TFCP2: variants seen among roughly 807,000 people sequenced by gnomAD.
TFCP2 encodes the protein transcription factor CP2, also known as alpha-globin transcription factor CP2.
TFCP2 carries 33 observed loss-of-function variants against 73.4 expected under a neutral mutation model. That is an observed-to-expected ratio of 0.45 (90% CI 0.34 to 0.60). The LOEUF (loss-of-function observed/expected upper bound fraction) is 0.60, where lower values mean the gene tolerates loss of function less well. Among genes scored for constraint, TFCP2 ranks in the 20% least tolerant of loss-of-function variants. The pLI is 0.01. For missense variants in TFCP2, 352 were observed against 604.0 expected (o/e 0.58, Z 4.37); for synonymous variants, 193 against 211.6 (o/e 0.91, Z 0.76).
At chr12:51,121,913 A>G (rs999062650) in intron 1 of TFCP2, among the ~76,000 whole-genome samples, 1 of 152,222 alleles carries the variant, frequency 6.6e-6, no homozygotes, top group African/African-American at 2.4e-5. Flanking sequence ...ATGTACCTAT[A>G]TATCTCACCT....
intron 13 of TFCP2, among the ~76,000 whole-genome samples, chr12:51,096,774 C>T (rs1231812171): frequency 6.6e-6 from 1 of 152,052 alleles, no homozygotes. Context: ...TTATGGGAAT[C>T]AAGTCCCTCA....
intron 14 of TFCP2, 70 bp from the exon 15 acceptor site, chr12:51,095,348 T>G: frequency 6.5e-7 from 1 of 1,531,094 alleles, no homozygotes; most frequent in Admixed American, 1.7e-5. Flanking sequence ...AAAAAAAGTA[T>G]GGTAAGATTC....
chr12:51,106,686 T>C, intron 7 of TFCP2, 73 bp from the exon 8 acceptor site: 2 of 1,120,246 alleles, frequency 1.8e-6, no homozygotes, highest in Non-Finnish European at 2.7e-6. Context: ...CATTGTTACT[T>C]GAATAGCACA....
chr12:51,107,054 C>T (rs1592792370), intron 7 of TFCP2, 182 bp downstream of exon 7: 5 of 630,998 alleles, frequency 7.9e-6, no homozygotes, highest in South Asian at 4.0e-5. Flanking sequence ...GACACAGAGA[C>T]AGTGGCATGG....
At chr12:51,140,445 C>CTTTTTTTT (rs768526922) in intron 1 of TFCP2, among the ~76,000 whole-genome samples, 250 of 88,016 alleles carry the variant, frequency 2.8e-3, no homozygotes, top group Middle Eastern at 8.1e-3. Flanking sequence ...TTTTCTTTTT[C>CTTTTTTTT]TTTTTTTTTT....
chr12:51,098,640 A>T, intron 13 of TFCP2, 136 bp downstream of exon 13: 1 of 985,786 alleles, frequency 1.0e-6, no homozygotes, highest in Non-Finnish European at 1.4e-6. Context: ...AAAAAAAATT[A>T]GGAGGAAAGC....
rs1452774082 is a variant in TFCP2 at position 51,099,700 on chromosome 12, G to A, written c.1231C>T (p.Gln411Ter). The A allele has an allele frequency of 6.2e-7, 1 of 1,614,156 alleles. No homozygotes were observed. ...LREQQQQQQQ[Q>*]QQKHEDGDSN... The stretch of plus-strand genomic sequence containing the variant: ...TCTCCATCCTCATGCTTCTGCTGCT[G>A]TTGCTGCTGCTGTTGTTGCTGCTCC... The change falls in exon 12 of 15, where the codon CAG becomes TAG. Residue 411 changes from glutamine (Q) to a stop codon, truncating the protein, a stop_gained. Coordinates refer to ENST00000257915, the MANE Select transcript of TFCP2 (RefSeq NM_005653.5). LOFTEE classifies it high-confidence loss of function.
chr12:51,107,907 A>G (rs1940293099), intron 6 of TFCP2, among the ~76,000 whole-genome samples: 1 of 151,636 alleles, frequency 6.6e-6, no homozygotes, highest in South Asian at 2.1e-4. Flanking sequence ...CCTAGCCTCA[A>G]AACATTTCAA....
At chr12:51,142,291 C>A (rs1202355234) in intron 1 of TFCP2, among the ~76,000 whole-genome samples, 1 of 145,968 alleles carries the variant, frequency 6.9e-6, no homozygotes, top group Admixed American at 6.9e-5. Flanking sequence ...ATAGTCAAGA[C>A]AATGCTGCTA....
At chr12:51,161,006 C>A (rs553612572) in intron 1 of TFCP2, among the ~76,000 whole-genome samples, 3 of 152,094 alleles carry the variant, frequency 2.0e-5, no homozygotes, top group Non-Finnish European at 4.4e-5. Flanking sequence ...CACATGCACA[C>A]CCCCGACTGA....
chr12:51,125,912 A>G (rs528691552), intron 1 of TFCP2, among the ~76,000 whole-genome samples: 2 of 152,122 alleles, frequency 1.3e-5, no homozygotes, highest in African/African-American at 2.4e-5. Context: ...CCTGGTCAAC[A>G]TGGTGAAACC....
At chr12:51,102,133 C>A in intron 10 of TFCP2, 108 bp from the exon 11 acceptor site, 1 of 771,138 alleles carries the variant, frequency 1.3e-6, no homozygotes, top group South Asian at 1.7e-5. Flanking sequence ...ATGTTACAAT[C>A]CATAATTTTC....
rs145261420 is a variant in TFCP2 at position 51,148,150 on chromosome 12, G to C, written c.122+24151C>G. Among the ~76,000 whole-genome samples the C allele has an allele frequency of 6.8e-3, 1,028 of 152,290 alleles. 13 individuals carry two copies. Among genetic ancestry groups the C allele is most frequent in the African/African-American group, 0.024 (977 of 41,552 alleles). Reference sequence around the variant, plus strand: ...TTAAAAAAAAATAGATGTTGGCATGGATGTGGTAAAAAGGGAACACTTTTA... The same window carrying C: ...TTAAAAAAAAATAGATGTTGGCATGCATGTGGTAAAAAGGGAACACTTTTA... On this transcript the variant is annotated intron_variant, in intron 1 of 14. Transcript: ENST00000257915.
chr12:51,144,599 T>A (rs983212592), intron 1 of TFCP2, among the ~76,000 whole-genome samples: 8 of 152,144 alleles, frequency 5.3e-5, no homozygotes, highest in Admixed American at 4.6e-4. Flanking sequence ...TAAATTATGC[T>A]GGAAAAATTA....
chr12:51,122,471 C>T (rs981951259), intron 1 of TFCP2, among the ~76,000 whole-genome samples: 1 of 151,914 alleles, frequency 6.6e-6, no homozygotes, highest in Non-Finnish European at 1.5e-5. Flanking sequence ...GTTGGCCATG[C>T]TGGTCTCGAA....
At chr12:51,103,035 C>A (rs1940149287) in intron 10 of TFCP2, among the ~76,000 whole-genome samples, 1 of 151,944 alleles carries the variant, frequency 6.6e-6, no homozygotes, top group South Asian at 2.1e-4. Flanking sequence ...GTAATCCCAG[C>A]ACTTTGGGAG....
chr12:51,110,056 A>G (rs1020624142), intron 5 of TFCP2, among the ~76,000 whole-genome samples: 1 of 151,958 alleles, frequency 6.6e-6, no homozygotes, highest in African/African-American at 2.4e-5. Flanking sequence ...CTGACTGACT[A>G]CTCCACAAGA....
chr12:51,154,541 G>A (rs2436649), intron 1 of TFCP2, among the ~76,000 whole-genome samples: 149,756 of 152,230 alleles, frequency 0.98, 73,700 homozygotes, highest in Middle Eastern at 1. Flanking sequence ...TAAAAATACA[G>A]AAATTAGCCA....
chr12:51,137,944 C>A (rs963350732), intron 1 of TFCP2, among the ~76,000 whole-genome samples: 4 of 152,152 alleles, frequency 2.6e-5, no homozygotes, highest in African/African-American at 4.8e-5. Flanking sequence ...TGCAGTCAGG[C>A]TTCCATCTTC....
Sources: allele counts gnomAD v4.1 joint callset (sites outside exome capture counted in the v4.1 genomes callset), GRCh38; gene constraint gnomAD v4.1.1; transcripts MANE v1.5; gene names NCBI Gene and HGNC (gene_info 2026-07-23, HGNC 2026-07-21).